Variants in ZHX2 observed in about 807,000 individuals in gnomAD.
ZHX2 encodes the protein zinc fingers and homeoboxes protein 2.
In ZHX2, 6 loss-of-function variants were observed where a neutral mutation model predicts 21.9. The observed-to-expected ratio is 0.27, with a 90% CI of 0.15 to 0.54. ZHX2 has a LOEUF of 0.54. Among genes scored for constraint, ZHX2 ranks in the 20% least tolerant of loss-of-function variants. ZHX2 has a pLI of 0.95. For synonymous variants in ZHX2, 434 were observed against 437.1 expected, an observed-to-expected ratio of 0.99 and a Z score of 0.09; for missense variants, 908 against 1,090.7, an observed-to-expected ratio of 0.83 and a Z score of 2.36.
At chr8:122,907,714 G>T (rs924136473) in intron 2 of ZHX2, among the ~76,000 whole-genome samples, 2 of 152,158 alleles carry the variant, frequency 1.3e-5, no homozygotes, top group Non-Finnish European at 2.9e-5. Flanking sequence ...TAGGTCAGAG[G>T]ATGTTTTCCC....
intron 2 of ZHX2, among the ~76,000 whole-genome samples, chr8:122,874,414 C>T (rs968674049): frequency 2.6e-5 from 4 of 152,194 alleles, no homozygotes; most frequent in Non-Finnish European, 5.9e-5. Flanking sequence ...CTTACTGCAA[C>T]TTCCGCCTCC....
At chr8:122,802,924 C>T (rs1022740444) in intron 1 of ZHX2, among the ~76,000 whole-genome samples, 2 of 152,128 alleles carry the variant, frequency 1.3e-5, no homozygotes, top group African/African-American at 4.8e-5. Context: ...CCCGAGAATG[C>T]TCCCCTGCAT....
intron 2 of ZHX2, among the ~76,000 whole-genome samples, chr8:122,870,638 C>CAAAAAAAAAA (rs59071295): frequency 1.6e-5 from 1 of 63,908 alleles, no homozygotes; most frequent in Admixed American, 2.4e-4. Flanking sequence ...GTCTCTGTCT[C>CAAAAAAAAAA]AAAAAAAAAA....
rs1813104468 is a variant in ZHX2, at chr8:122,951,353, T to C, written c.-158T>C. ...ATTCCAATTTTCTGTGCTGAAATCA[T>C]TCTGAAAACTCAAACAGTAGACTTC... On this transcript the variant is annotated 5_prime_UTR_variant, in exon 3 of 4. Transcript: ENST00000314393. 1 of 653,472 alleles carries C rather than the reference T, an allele frequency of 1.5e-6. No individual in the cohort carries two copies. The highest frequency in any genetic ancestry group is 2.9e-5 in the Admixed American group (1 of 33,924). The allele number at this position is 653,472 out of a possible 1,614,324, so 40.5% of individuals were successfully genotyped here. A position where few individuals can be genotyped will look rare whatever the true frequency, so the allele number is the denominator to read the frequency against.
chr8:122,951,709 G>C lies in ZHX2; in HGVS notation c.199G>C (p.Gly67Arg). The part of the protein sequence containing the change: ...ENEVIEVKSM[G>R]ESQSKKLQGG... ...CGAAGTGATAGAGGTGAAATCTATG[G>C]GGGAAAGCCAGTCCAAAAAACTCCA... The change falls in exon 3 of 4, where the codon GGG becomes CGG. Residue 67 changes from glycine (G) to arginine (R), a missense_variant. Gly to Arg is a moderately radical substitution (Grantham distance 125). This residue lies in a region of ZHX2 where 220 missense variants were observed against 251.4 expected (regional missense o/e 0.88). Transcript: ENST00000314393. 1 of 1,614,054 alleles carries C rather than the reference G, an allele frequency of 6.2e-7. No individual in the cohort carries two copies. Among genetic ancestry groups the C allele is most frequent in the Non-Finnish European group, 8.5e-7 (1 of 1,180,002 alleles).
chr8:122,797,734 T>C (rs1261828984), intron 1 of ZHX2, among the ~76,000 whole-genome samples: 2 of 152,216 alleles, frequency 1.3e-5, no homozygotes, highest in Non-Finnish European at 2.9e-5. Context: ...AAAAAATTTC[T>C]TTTGCAGCCT....
chr8:122,953,932 T>A lies in ZHX2; in HGVS notation c.2422T>A (p.Ser808Thr). The A allele has an allele frequency of 6.2e-7, 1 of 1,614,058 alleles. No individual in the cohort carries two copies. The highest frequency in any genetic ancestry group is 2.2e-5 in the East Asian group (1 of 44,856). Residue 808 changes from serine (S) to threonine (T), a missense_variant, in exon 3 of 4, where the codon TCA (serine) becomes ACA (threonine). Physicochemically the swap from Ser to Thr is moderately conservative, Grantham distance 58 (BLOSUM62 1). This residue lies in a region of ZHX2 where 431 missense variants were observed against 428.6 expected (regional missense o/e 1.01). Coordinates refer to ENST00000314393, the MANE Select transcript of ZHX2 (RefSeq NM_014943.5). This position sits in a 1 kb window ranked among gnomAD's most constrained non-coding sequence, Gnocchi z 4.6. Reference protein sequence around the residue: ...VGEEDAISDRSDSWSQAAAEG... With the variant: ...VGEEDAISDRTDSWSQAAAEG... ...GGAGGAGGATGCGATCTCAGATAGA[T>A]CAGATAGCTGGAGTCAGGCTGCGGC...
intron 2 of ZHX2, among the ~76,000 whole-genome samples, chr8:122,865,317 A>T (rs138301627): frequency 0.024 from 3,608 of 152,016 alleles, 131 homozygotes; most frequent in African/African-American, 0.082. Flanking sequence ...TTTAGTAGAG[A>T]TGGGGTTTCA....
intron 1 of ZHX2, among the ~76,000 whole-genome samples, chr8:122,842,501 C>T (rs1330996852): frequency 6.6e-6 from 1 of 152,144 alleles, no homozygotes; most frequent in Admixed American, 6.5e-5. Context: ...GTCAGGAGAT[C>T]GAGACCATCC....
intron 2 of ZHX2, among the ~76,000 whole-genome samples, chr8:122,912,309 A>G (rs994582417): frequency 3.3e-5 from 5 of 152,230 alleles, no homozygotes; most frequent in African/African-American, 9.6e-5. Context: ...ACCATCTGTC[A>G]TGTCCACCAG....
In ZHX2 at chr8:122,901,960, C is replaced by T. The variant is rs191479358; in HGVS notation, c.-220+38421C>T. 4.8e-3 allele frequency among the ~76,000 whole-genome samples: 733 copies of T among 152,170 alleles called. 3 individuals carry two copies. The highest frequency in any genetic ancestry group is 7.5e-3 in the Non-Finnish European group (510 of 68,000). Reference sequence around the variant, plus strand: ...ATGCTCCAGTAGAAATTATTCATAGCACTGTAGCCCTTGAATTTGTATTCT... The same window carrying T: ...ATGCTCCAGTAGAAATTATTCATAGTACTGTAGCCCTTGAATTTGTATTCT... On this transcript the variant is annotated intron_variant, in intron 2 of 3. Coordinates refer to ENST00000314393, the MANE Select transcript of ZHX2 (RefSeq NM_014943.5).
At chr8:122,972,425 C>G (rs1415959583) in intron 3 of ZHX2, among the ~76,000 whole-genome samples, 1 of 152,148 alleles carries the variant, frequency 6.6e-6, no homozygotes, top group Non-Finnish European at 1.5e-5. Flanking sequence ...TGCACGGACT[C>G]TAGAGATTAC....
intron 2 of ZHX2, among the ~76,000 whole-genome samples, chr8:122,945,094 G>A (rs909958461): frequency 2.0e-5 from 3 of 152,120 alleles, no homozygotes; most frequent in African/African-American, 2.4e-5. Flanking sequence ...CTTCCAGCCC[G>A]CAAAACTGTG....
At chr8:122,895,736 GTGTGGGGAAAAAAAAAAAAAAAGC>G (rs1319124945) in intron 2 of ZHX2, among the ~76,000 whole-genome samples, 4 of 149,774 alleles carry the variant, frequency 2.7e-5, no homozygotes. Context: ...TTTGGATATG[GTGTGGGGAAAAAAAAAAAAAAAGC>G]TCTCGCCAAG....
At chr8:122,864,619 G>A (rs1028189832) in intron 2 of ZHX2, among the ~76,000 whole-genome samples, 2 of 152,110 alleles carry the variant, frequency 1.3e-5, no homozygotes, top group African/African-American at 4.8e-5. Flanking sequence ...TGGGGGAACA[G>A]GTGGCAAGAC....
At position 122,952,143 on chromosome 8, in the gene ZHX2, C is replaced by A; in HGVS notation, c.633C>A (p.His211Gln). 6.2e-7 allele frequency: 1 copy of A among 1,613,770 alleles called. No homozygotes were observed. The highest frequency in any genetic ancestry group is 8.5e-7 in the Non-Finnish European group (1 of 1,179,966). ...CCGAGGAGATCACCCCCGAGAACCA[C>A]GTGGAAGGGACCGCCCGCCTGGTGA... ...KKPEEITPEN[H>Q]VEGTARLVTD... The change falls in exon 3 of 4, where the codon CAC becomes CAA. Residue 211 changes from histidine to glutamine, a missense_variant. Physicochemically the swap from His to Gln is conservative, Grantham distance 24 (BLOSUM62 0). Transcript: ENST00000314393. This position sits in a 1 kb window ranked among gnomAD's most constrained non-coding sequence, Gnocchi z 6.9.
rs750597724 is a variant in ZHX2 at position 122,841,541 on chromosome 8, C to T, written c.-282-21936C>T. ...TGTACATACAGGGCACTTGGAGGGT[C>T]GGGGGTTGGGGGGCAATCCAGGCAG... On this transcript the variant is annotated intron_variant, in intron 1 of 3. Coordinates refer to ENST00000314393, the MANE Select transcript of ZHX2 (RefSeq NM_014943.5). Among the ~76,000 whole-genome samples the T allele has an allele frequency of 5.8e-5, 8 of 138,066 alleles. 1 individual carries two copies. The highest frequency in any genetic ancestry group is 4.5e-4 in the Admixed American group (6 of 13,250). The allele number at this position is 138,066 out of a possible 152,430, so 90.6% of individuals were successfully genotyped here. A position where few individuals can be genotyped will look rare whatever the true frequency, so the allele number is the denominator to read the frequency against.
At chr8:122,794,217 G>A (rs1207067055) in intron 1 of ZHX2, among the ~76,000 whole-genome samples, 1 of 151,838 alleles carries the variant, frequency 6.6e-6, no homozygotes, top group Non-Finnish European at 1.5e-5. Context: ...ACTTCATGTT[G>A]GTCCTAACTG....
chr8:122,918,381 A>C (rs1238771052), intron 2 of ZHX2, among the ~76,000 whole-genome samples: 2 of 152,196 alleles, frequency 1.3e-5, no homozygotes, highest in Non-Finnish European at 2.9e-5. Context: ...TGCTTCCCAG[A>C]AAACGAGAAC....
Sources: gnomAD v4.1 joint callset for allele counts (sites outside exome capture counted in the v4.1 genomes callset) on GRCh38, gnomAD v4.1.1 for gene constraint, gnomAD v4.1.1 regional missense constraint, Gnocchi (gnomAD v3.1) non-coding constraint, MANE v1.5 for transcripts, NCBI Gene and HGNC (gene_info 2026-07-23, HGNC 2026-07-21) for gene names.